The following ARHGEF7 variants were observed in gnomAD, a reference collection of about 807,000 sequenced individuals.
ARHGEF7 encodes Rho guanine nucleotide exchange factor 7, also known as PAK-interacting exchange factor beta.
Under a neutral mutation model 109.8 loss-of-function variants are expected in ARHGEF7, and 33 were observed. The observed-to-expected ratio is 0.30, with a 90% CI of 0.23 to 0.40. ARHGEF7 has a LOEUF of 0.40. Ranked by LOEUF, ARHGEF7 falls within the 10% of genes least tolerant of loss-of-function variation. The pLI is 1.00. For missense variants in ARHGEF7, 938 were observed against 1,098.5 expected (o/e 0.85, Z 2.07); for synonymous variants, 458 against 424.6 (o/e 1.08, Z -0.97).
Position 111,145,393 on chromosome 13 carries a change from A to G in ARHGEF7, c.166-8512A>G, listed in dbSNP as rs1233937184. 6.6e-6 allele frequency among the ~76,000 whole-genome samples: 1 copy of G among 152,190 alleles called. No homozygotes were observed. The highest frequency in any genetic ancestry group is 2.4e-5 in the African/African-American group (1 of 41,444). ...AGGACAACCTAGAAGAGATGGGTTA[A>G]TGACAGAAAAGTCATTAACTCTCCC... On this transcript the variant is annotated intron_variant, in intron 1 of 21. Coordinates refer to ENST00000646102, the MANE Select transcript of ARHGEF7 (RefSeq NM_001354046.2). This position sits in a 1 kb window ranked among gnomAD's most constrained non-coding sequence, Gnocchi z 4.3.
intron 2 of ARHGEF7, among the ~76,000 whole-genome samples, chr13:111,157,889 G>A (rs1420540016): frequency 6.6e-6 from 1 of 152,202 alleles, no homozygotes; most frequent in African/African-American, 2.4e-5. Flanking sequence ...TTAGGCATCT[G>A]ACAACTAGGG....
intron 18 of ARHGEF7, among the ~76,000 whole-genome samples, chr13:111,289,870 A>G (rs1034833730): frequency 6.6e-6 from 1 of 152,144 alleles, no homozygotes; most frequent in Non-Finnish European, 1.5e-5. Flanking sequence ...CTTTTTGCCA[A>G]GGGTCAACAC....
In ARHGEF7 at chr13:111,283,201, G is replaced by C; in HGVS notation, c.1788G>C (p.Thr596=). The C allele has an allele frequency of 6.3e-7, 1 of 1,596,038 alleles. No homozygotes were observed. The highest frequency in any genetic ancestry group is 8.5e-7 in the Non-Finnish European group (1 of 1,172,884). ...KHADSKPAPL[T]PAYHTLPHPS... is the part of the protein sequence containing the mutation. ...CAGACAGCAAGCCCGCGCCGCTGACGCCCGCCTACCACACGCTGCCCCACC... is the reference window on the plus strand; with the variant it reads ...CAGACAGCAAGCCCGCGCCGCTGACCCCCGCCTACCACACGCTGCCCCACC... Residue 596 remains threonine, a synonymous_variant, in exon 16 of 22, where the codon ACG becomes ACC. Transcript: ENST00000646102.
intron 8 of ARHGEF7, among the ~76,000 whole-genome samples, chr13:111,253,479 G>A (rs1875973329): frequency 6.6e-6 from 1 of 152,130 alleles, no homozygotes; most frequent in Non-Finnish European, 1.5e-5. Flanking sequence ...TATTTTGATG[G>A]TGACTCAGTG....
At chr13:111,149,362 A>T (rs2153369003) in intron 1 of ARHGEF7, among the ~76,000 whole-genome samples, 1 of 152,336 alleles carries the variant, frequency 6.6e-6, no homozygotes, top group Middle Eastern at 3.4e-3. Context: ...GTGTACTCAT[A>T]ATAGTTGTGT....
intron 19 of ARHGEF7, among the ~76,000 whole-genome samples, chr13:111,298,677 A>G (rs1194295350): frequency 4.6e-5 from 7 of 152,248 alleles, no homozygotes; most frequent in Non-Finnish European, 1.0e-4. Context: ...CCGAAAAGTT[A>G]TTCCCGAGAC....
At chr13:111,203,851 T>G (rs1412983340) in intron 2 of ARHGEF7, among the ~76,000 whole-genome samples, 1 of 152,242 alleles carries the variant, frequency 6.6e-6, no homozygotes, top group African/African-American at 2.4e-5. Flanking sequence ...TTAGCTTCTC[T>G]TGGCGTGAGC....
intron 3 of ARHGEF7, among the ~76,000 whole-genome samples, chr13:111,207,419 T>C (rs1594728296): frequency 1.3e-5 from 2 of 152,198 alleles, no homozygotes; most frequent in East Asian, 3.8e-4. Flanking sequence ...CTGCCTGCCT[T>C]GGCCTCCCGA....
intron 6 of ARHGEF7, among the ~76,000 whole-genome samples, chr13:111,243,443 T>C (rs1156288656): frequency 6.6e-6 from 1 of 152,234 alleles, no homozygotes; most frequent in African/African-American, 2.4e-5. Context: ...TCTGTCACCA[T>C]AGATTAGTTT....
chr13:111,288,502 A>G, intron 18 of ARHGEF7, 59 bp downstream of exon 18: 1 of 1,415,070 alleles, frequency 7.1e-7, no homozygotes, highest in East Asian at 2.3e-5. Flanking sequence ...GTTTCAAATT[A>G]CAGTCTGAAG....
In ARHGEF7 at chr13:111,228,350, A is replaced by G. The variant is rs1405200847; in HGVS notation, c.671-4855A>G. ...TATCGTCAGGTGTGATAATGGTCTGAGGTTAGGGTTTTGAGTTTAAAGAAG... is the reference window on the plus strand; with the variant it reads ...TATCGTCAGGTGTGATAATGGTCTGGGGTTAGGGTTTTGAGTTTAAAGAAG... On this transcript the variant is annotated intron_variant, in intron 5 of 21. Coordinates refer to ENST00000646102, the MANE Select transcript of ARHGEF7 (RefSeq NM_001354046.2). The surrounding 1 kb of genome is among the most constrained non-coding windows in gnomAD (Gnocchi z 4.6). Among the ~76,000 whole-genome samples the G allele has an allele frequency of 1.3e-5, 2 of 152,160 alleles. No homozygotes were observed. The highest frequency in any genetic ancestry group is 1.3e-4 in the Admixed American group (2 of 15,278).
In ARHGEF7 at chr13:111,127,467, T is replaced by C. The variant is rs562464079; in HGVS notation, c.165+11776T>C. Among the ~76,000 whole-genome samples the C allele has an allele frequency of 2.1e-3, 312 of 151,900 alleles. 1 individual carries two copies. The highest frequency in any genetic ancestry group is 7.1e-3 in the African/African-American group (293 of 41,400). On this transcript the variant is annotated intron_variant, in intron 1 of 21. Coordinates refer to ENST00000646102, the MANE Select transcript of ARHGEF7 (RefSeq NM_001354046.2). ...GAGTTTGAGACCAGCCTGAGCAACA[T>C]AGTGAGACCCTCCCCCCATCACTAC...
chr13:111,302,637 T>A (rs1466195813), intron 21 of ARHGEF7, among the ~76,000 whole-genome samples: 1 of 152,244 alleles, frequency 6.6e-6, no homozygotes, highest in East Asian at 1.9e-4. Context: ...CTTCCAGTCC[T>A]TTCTGTAACT....
chr13:111,164,849 C>T (rs2077003539), intron 2 of ARHGEF7, among the ~76,000 whole-genome samples: 1 of 152,194 alleles, frequency 6.6e-6, no homozygotes, highest in Non-Finnish European at 1.5e-5. Flanking sequence ...AGTACTTCCT[C>T]CTGATAGGAA....
At position 111,211,561 on chromosome 13, in the gene ARHGEF7, C is replaced by T. The variant is rs562817940; in HGVS notation, c.468+1559C>T. Among the ~76,000 whole-genome samples, 36 of 152,256 alleles carry T rather than the reference C, an allele frequency of 2.4e-4. No homozygotes were observed. The South Asian group carries it at 6.4e-3, about 27-fold the overall frequency. On this transcript the variant is annotated intron_variant, in intron 4 of 21. Transcript: ENST00000646102. ...TTTCGTTATACTAGAAATAGACTTGCGCTCTCTGACCTGTGTGAAGTCTTT... is the reference window on the plus strand; with the variant it reads ...TTTCGTTATACTAGAAATAGACTTGTGCTCTCTGACCTGTGTGAAGTCTTT...
intron 1 of ARHGEF7, among the ~76,000 whole-genome samples, chr13:111,139,053 C>T (rs1429559479): frequency 2.0e-5 from 3 of 151,986 alleles, no homozygotes; most frequent in Admixed American, 6.6e-5. Flanking sequence ...TGGAACATCT[C>T]GGCAAAGAAA....
chr13:111,226,323 G>T (rs2085205612), intron 5 of ARHGEF7, among the ~76,000 whole-genome samples: 1 of 152,382 alleles, frequency 6.6e-6, no homozygotes, highest in East Asian at 1.9e-4. Flanking sequence ...CGGAGAAGCT[G>T]CAGCAAGTCA....
upstream of ARHGEF7, chr13:111,115,025 A>AGGGGCGC (rs2066643453): frequency 6.6e-6 from 1 of 151,512 alleles, no homozygotes; most frequent in South Asian, 2.1e-4. Context: ...TGCCCCGGCC[A>AGGGGCGC]GGGGCGCGGG....
intron 8 of ARHGEF7, among the ~76,000 whole-genome samples, chr13:111,251,844 C>T (rs1184444709): frequency 6.6e-6 from 1 of 152,200 alleles, no homozygotes; most frequent in Non-Finnish European, 1.5e-5. Context: ...TGTGGGTCAC[C>T]ACCTTCACAT....
Sources: allele counts gnomAD v4.1 joint callset (sites outside exome capture counted in the v4.1 genomes callset), GRCh38; gene constraint gnomAD v4.1.1; non-coding constraint Gnocchi (gnomAD v3.1); transcripts MANE v1.5; gene names NCBI Gene and HGNC (gene_info 2026-07-23, HGNC 2026-07-21).